The following HSD17B2 variants were observed in gnomAD, a reference collection of about 807,000 sequenced individuals.
HSD17B2 encodes the protein hydroxysteroid 17-beta dehydrogenase 2, also known as 17-beta-hydroxysteroid dehydrogenase type 2.
A neutral mutation model predicts 26.9 loss-of-function variants in HSD17B2; 32 were observed. The ratio of observed to expected loss-of-function variants is 1.19; its 90% confidence interval spans 0.90 to 1.60. The LOEUF (loss-of-function observed/expected upper bound fraction) is 1.60, where lower values mean the gene tolerates loss of function less well. Ranked by LOEUF, HSD17B2 falls within the 40% of genes most tolerant of loss-of-function variation. The pLI is 0.00. For synonymous variants in HSD17B2, 246 were observed against 186.7 expected (o/e 1.32, Z -2.59); for missense variants, 613 against 468.6 (o/e 1.31, Z -2.85).
intron 1 of HSD17B2, among the ~76,000 whole-genome samples, chr16:82,052,003 A>G: frequency 6.6e-6 from 1 of 152,246 alleles, no homozygotes; most frequent in East Asian, 1.9e-4. Context: ...ATCACCAAGG[A>G]TAGGATCACA....
At chr16:82,075,908 T>TAAAAAAA (rs58081050) in intron 3 of HSD17B2, among the ~76,000 whole-genome samples, 2 of 134,684 alleles carry the variant, frequency 1.5e-5, no homozygotes, top group Non-Finnish European at 3.1e-5. Flanking sequence ...AAATACATGT[T>TAAAAAAA]AAAAAAAAAA....
At chr16:82,072,935 T>A (rs1914729974) in intron 3 of HSD17B2, among the ~76,000 whole-genome samples, 1 of 152,142 alleles carries the variant, frequency 6.6e-6, no homozygotes. Flanking sequence ...CATTGTGGCA[T>A]GTGCCTGTAG....
intron 3 of HSD17B2, among the ~76,000 whole-genome samples, chr16:82,086,912 C>T (rs1294957056): frequency 6.6e-6 from 1 of 152,222 alleles, no homozygotes; most frequent in Non-Finnish European, 1.5e-5. Context: ...GCTGTGTCCT[C>T]ACATAGCCCT....
intron 3 of HSD17B2, among the ~76,000 whole-genome samples, chr16:82,081,227 C>G (rs140665638): frequency 6.6e-6 from 1 of 152,132 alleles, no homozygotes; most frequent in Non-Finnish European, 1.5e-5. Flanking sequence ...GTTTATTTGT[C>G]TGCTCTATTC....
intron 1 of HSD17B2, among the ~76,000 whole-genome samples, chr16:82,046,829 G>C (rs1349608112): frequency 2.0e-5 from 3 of 152,158 alleles, no homozygotes; most frequent in Non-Finnish European, 2.9e-5. Context: ...AAGAAATTGA[G>C]GTTTTTCAAG....
At chr16:82,077,212 T>C (rs1904307112) in intron 3 of HSD17B2, among the ~76,000 whole-genome samples, 1 of 152,108 alleles carries the variant, frequency 6.6e-6, no homozygotes. Flanking sequence ...GAGCCAAAGA[T>C]ATCCTGAGCA....
At chr16:82,047,293 A>G (rs1217230958) in intron 1 of HSD17B2, among the ~76,000 whole-genome samples, 3 of 152,208 alleles carry the variant, frequency 2.0e-5, no homozygotes, top group African/African-American at 7.2e-5. Context: ...CCTACCTGGT[A>G]TGTTGTTAAA....
intron 1 of HSD17B2, among the ~76,000 whole-genome samples, chr16:82,043,423 G>GAC (rs1913822543): frequency 8.0e-6 from 1 of 124,398 alleles, no homozygotes; most frequent in Non-Finnish European, 1.5e-5. Flanking sequence ...GGTGGCTCAT[G>GAC]CCTGTAATCC....
In HSD17B2 at chr16:82,043,408, G is replaced by A. The variant is rs1913821520; in HGVS notation, c.265+7719G>A. 4.0e-5 allele frequency among the ~76,000 whole-genome samples: 5 copies of A among 124,398 alleles called. 1 individual carries two copies. The highest frequency in any genetic ancestry group is 2.2e-4 in the Admixed American group (3 of 13,946). The allele number at this position is 124,398 out of a possible 152,430, so 81.6% of individuals were successfully genotyped here. A position where few individuals can be genotyped will look rare whatever the true frequency, so the allele number is the denominator to read the frequency against. ...TTTATAAAAATCATATAGATGGCCG[G>A]GCGCGGTGGCTCATGCCTGTAATCC... On this transcript the variant is annotated intron_variant, in intron 1 of 4. Coordinates refer to ENST00000199936, the MANE Select transcript of HSD17B2 (RefSeq NM_002153.3).
At chr16:82,076,481 A>G (rs9931597) in intron 3 of HSD17B2, among the ~76,000 whole-genome samples, 19,199 of 152,268 alleles carry the variant, frequency 0.13, 4,022 homozygotes, top group African/African-American at 0.43. Flanking sequence ...TCTTATATTT[A>G]GAATAAACTA....
chr16:82,069,422 G>A (rs1914647005), intron 2 of HSD17B2, among the ~76,000 whole-genome samples: 1 of 152,194 alleles, frequency 6.6e-6, no homozygotes, highest in African/African-American at 2.4e-5. Flanking sequence ...TCCTTTGGAT[G>A]TATACCCGGT....
At chr16:82,085,168 T>G (rs1361058724) in intron 3 of HSD17B2, among the ~76,000 whole-genome samples, 3 of 152,228 alleles carry the variant, frequency 2.0e-5, no homozygotes, top group South Asian at 2.1e-4. Context: ...GGATCATTCC[T>G]GGACTTTTCC....
intron 2 of HSD17B2, among the ~76,000 whole-genome samples, chr16:82,068,902 G>GT (rs758835054): frequency 9.2e-5 from 14 of 151,836 alleles, no homozygotes; most frequent in East Asian, 3.9e-4. Flanking sequence ...GAAGACCCAG[G>GT]TTTTTTTTGT....
At chr16:82,072,885 G>A (rs987212500) in intron 3 of HSD17B2, among the ~76,000 whole-genome samples, 4 of 152,046 alleles carry the variant, frequency 2.6e-5, no homozygotes, top group Non-Finnish European at 5.9e-5. Context: ...GTGAGACCTC[G>A]TCTGTACAAA....
intron 1 of HSD17B2, among the ~76,000 whole-genome samples, chr16:82,046,457 T>C (rs1293625730): frequency 6.6e-6 from 1 of 152,172 alleles, no homozygotes; most frequent in African/African-American, 2.4e-5. Flanking sequence ...GCACGGTGGC[T>C]CACGCCTGTA....
At chr16:82,049,902 C>G (rs984060903) in intron 1 of HSD17B2, among the ~76,000 whole-genome samples, 3 of 152,254 alleles carry the variant, frequency 2.0e-5, no homozygotes, top group African/African-American at 7.2e-5. Context: ...CTCGGGACAG[C>G]TTCTTGAATC....
At chr16:82,084,069 C>G (rs1904452924) in intron 3 of HSD17B2, among the ~76,000 whole-genome samples, 2 of 152,168 alleles carry the variant, frequency 1.3e-5, no homozygotes, top group Non-Finnish European at 2.9e-5. Flanking sequence ...TAAAATGACC[C>G]AGGCCTCAGA....
At chr16:82,052,277 G>A (rs1009476948) in intron 1 of HSD17B2, 8 of 152,156 alleles carry the variant, frequency 5.3e-5, no homozygotes, top group African/African-American at 1.2e-4. Context: ...GAGAAGCTAC[G>A]CCTGGATCCT....
At chr16:82,082,557 T>C (rs1278488153) in intron 3 of HSD17B2, among the ~76,000 whole-genome samples, 1 of 152,204 alleles carries the variant, frequency 6.6e-6, no homozygotes, top group Non-Finnish European at 1.5e-5. Context: ...TTTATGTAAG[T>C]GTTAGCTATT....
Sources: allele counts gnomAD v4.1 joint callset (sites outside exome capture counted in the v4.1 genomes callset), GRCh38; gene constraint gnomAD v4.1.1; transcripts MANE v1.5; gene names NCBI Gene and HGNC (gene_info 2026-07-23, HGNC 2026-07-21).